The following PPM1H variants were observed in gnomAD, a reference collection of about 807,000 sequenced individuals.
The protein encoded by PPM1H is protein phosphatase, Mg2+/Mn2+ dependent 1H.
PPM1H carries 27 observed loss-of-function variants against 54.9 expected under a neutral mutation model. The ratio of observed to expected loss-of-function variants is 0.49; its 90% confidence interval spans 0.36 to 0.68. PPM1H has a LOEUF of 0.68. Among genes scored for constraint, PPM1H ranks in the 30% least tolerant of loss-of-function variants. The probability of loss-of-function intolerance (pLI) is 0.00; values close to 1 mark genes in which losing one functional copy is unlikely to be tolerated. For synonymous variants in PPM1H, 305 were observed against 270.8 expected (o/e 1.13, Z -1.24); for missense variants, 596 against 667.8 (o/e 0.89, Z 1.19).
chr12:62,660,592 G>A (rs1366657562), intron 9 of PPM1H, among the ~76,000 whole-genome samples: 1 of 152,154 alleles, frequency 6.6e-6, no homozygotes, highest in African/African-American at 2.4e-5. Context: ...ATTGGGGAAA[G>A]GACAGTCTCT....
intron 9 of PPM1H, among the ~76,000 whole-genome samples, chr12:62,649,009 G>T (rs1470446477): frequency 1.3e-5 from 2 of 152,034 alleles, no homozygotes; most frequent in East Asian, 1.9e-4. Flanking sequence ...AAAAGTACAT[G>T]GGAAAAATCA....
chr12:62,802,590 G>T (rs1418728929), intron 2 of PPM1H, among the ~76,000 whole-genome samples: 1 of 147,014 alleles, frequency 6.8e-6, no homozygotes, highest in Non-Finnish European at 1.5e-5. Flanking sequence ...TTTTGACAGA[G>T]TCTCACTCTG....
intron 1 of PPM1H, among the ~76,000 whole-genome samples, chr12:62,841,602 C>G (rs1034567571): frequency 6.6e-6 from 1 of 152,068 alleles, no homozygotes; most frequent in African/African-American, 2.4e-5. Flanking sequence ...TTTTGCAGAT[C>G]AAAAACAGTT....
intron 1 of PPM1H, among the ~76,000 whole-genome samples, chr12:62,887,081 G>A (rs1243173504): frequency 1.3e-5 from 2 of 152,178 alleles, no homozygotes; most frequent in Non-Finnish European, 2.9e-5. Flanking sequence ...CTGTATACAA[G>A]GACTCCGGCC....
At chr12:62,856,771 C>A (rs1869404472) in intron 1 of PPM1H, among the ~76,000 whole-genome samples, 2 of 152,098 alleles carry the variant, frequency 1.3e-5, no homozygotes, top group African/African-American at 4.8e-5. Context: ...CAGGATCTGA[C>A]ACTGTATCTA....
At chr12:62,926,505 G>A (rs1871974569) in intron 1 of PPM1H, among the ~76,000 whole-genome samples, 1 of 151,774 alleles carries the variant, frequency 6.6e-6, no homozygotes, top group South Asian at 2.1e-4. Context: ...ATTTTGCATT[G>A]CAAAGAAAAA....
intron 1 of PPM1H, among the ~76,000 whole-genome samples, chr12:62,910,207 G>A (rs889063427): frequency 6.6e-6 from 1 of 152,166 alleles, no homozygotes; most frequent in Admixed American, 6.5e-5. Flanking sequence ...AGAGAGGGGA[G>A]GATGGAAGGG....
chr12:62,673,869 G>A (rs1317994663), intron 8 of PPM1H, among the ~76,000 whole-genome samples: 1 of 151,322 alleles, frequency 6.6e-6, no homozygotes, highest in Non-Finnish European at 1.5e-5. Flanking sequence ...GGGACTACAG[G>A]TGCACACCAC....
intron 4 of PPM1H, among the ~76,000 whole-genome samples, chr12:62,763,554 T>C (rs948600625): frequency 3.9e-5 from 6 of 152,242 alleles, no homozygotes; most frequent in Non-Finnish European, 7.3e-5. Context: ...TTGCCAGTCC[T>C]CGGCTCATTT....
intron 4 of PPM1H, among the ~76,000 whole-genome samples, chr12:62,752,093 C>T (rs536481986): frequency 1.3e-5 from 2 of 152,246 alleles, no homozygotes; most frequent in East Asian, 3.9e-4. Context: ...AGTTTGCAGT[C>T]CAAAGTCAAT....
intron 1 of PPM1H, among the ~76,000 whole-genome samples, chr12:62,898,784 A>G (rs1767707698): frequency 6.6e-6 from 1 of 152,186 alleles, no homozygotes; most frequent in African/African-American, 2.4e-5. Flanking sequence ...ACTCATGGAA[A>G]CTTCAAAATT....
At chr12:62,753,972 T>G (rs1235749947) in intron 4 of PPM1H, among the ~76,000 whole-genome samples, 2 of 152,210 alleles carry the variant, frequency 1.3e-5, no homozygotes, top group South Asian at 2.1e-4. Flanking sequence ...CCTCTCACAT[T>G]GAGAAGGTGG....
At chr12:62,869,467 G>C (rs1253866695) in intron 1 of PPM1H, among the ~76,000 whole-genome samples, 1 of 152,190 alleles carries the variant, frequency 6.6e-6, no homozygotes, top group Non-Finnish European at 1.5e-5. Flanking sequence ...GTAACAGAGG[G>C]AGGATTTGGA....
chr12:62,801,809 T>C lies in PPM1H; in HGVS notation c.756+7A>G. 1 of 1,613,420 alleles carries C rather than the reference T, an allele frequency of 6.2e-7. No homozygotes were observed. The highest frequency in any genetic ancestry group is 1.1e-5 in the South Asian group (1 of 91,078). On this transcript the variant is annotated splice_region_variant and intron_variant, in intron 3 of 9. Coordinates refer to ENST00000228705, the MANE Select transcript of PPM1H (RefSeq NM_020700.2). ...CCCTGCTGCCCCAGACTCCCAGGAA[T>C]ACCTACCATTTCCTTGAATGCACTT...
At position 62,645,967 on chromosome 12, in the gene PPM1H, A is replaced by T. The variant is rs1293989919; in HGVS notation, c.*2522T>A. 1.3e-5 allele frequency: 2 copies of T among 152,218 alleles called. No individual in the cohort carries two copies. Among genetic ancestry groups the T allele is most frequent in the Non-Finnish European group, 2.9e-5 (2 of 68,052 alleles). 9.4% of individuals were successfully genotyped at this position (152,218 alleles called of 1,614,324 possible). ...TGACATGGGGCCTGGGTAAAAAAAT[A>T]AGGCCAAAACTGAGTAAGCTCAATT... On this transcript the variant is annotated 3_prime_UTR_variant, in exon 10 of 10. Coordinates refer to ENST00000228705, the MANE Select transcript of PPM1H (RefSeq NM_020700.2).
intron 1 of PPM1H, among the ~76,000 whole-genome samples, chr12:62,906,898 TA>T (rs1396911431): frequency 2.0e-5 from 3 of 152,166 alleles, no homozygotes; most frequent in Admixed American, 6.5e-5. Flanking sequence ...AGCTTTGAAA[TA>T]AAATGAATCT....
At chr12:62,770,898 A>G (rs1425927661) in intron 4 of PPM1H, among the ~76,000 whole-genome samples, 1 of 152,266 alleles carries the variant, frequency 6.6e-6, no homozygotes, top group East Asian at 1.9e-4. Context: ...GCAAGGGTCC[A>G]GGAGCCGGGT....
intron 1 of PPM1H, among the ~76,000 whole-genome samples, chr12:62,912,803 C>T (rs1008512489): frequency 6.6e-6 from 1 of 152,180 alleles, no homozygotes; most frequent in Non-Finnish European, 1.5e-5. Context: ...TGACGTAGCT[C>T]TAGAAACTAA....
At chr12:62,692,817 C>G (rs1451357648) in intron 7 of PPM1H, among the ~76,000 whole-genome samples, 1 of 152,078 alleles carries the variant, frequency 6.6e-6, no homozygotes, top group East Asian at 1.9e-4. Flanking sequence ...CTACATGGAT[C>G]AGATATTTGT....
Sources: gnomAD v4.1 joint callset for allele counts (sites outside exome capture counted in the v4.1 genomes callset) on GRCh38, gnomAD v4.1.1 for gene constraint, MANE v1.5 for transcripts, NCBI Gene and HGNC (gene_info 2026-07-23, HGNC 2026-07-21) for gene names.